MTOR: variants seen among roughly 807,000 people sequenced by gnomAD.
MTOR encodes the protein serine/threonine-protein kinase mTOR.
MTOR carries 70 observed loss-of-function variants against 319.8 expected under a neutral mutation model. The ratio of observed to expected loss-of-function variants is 0.22; its 90% confidence interval spans 0.18 to 0.27. MTOR has a LOEUF of 0.27. Ranked by LOEUF, MTOR falls within the 10% of genes least tolerant of loss-of-function variation. The probability of loss-of-function intolerance (pLI) is 1.00; values close to 1 mark genes in which losing one functional copy is unlikely to be tolerated. For synonymous variants in MTOR, 1,183 were observed against 1,211.4 expected (o/e 0.98, Z 0.49); for missense variants, 1,890 against 3,274.4 (o/e 0.58, Z 10.32).
intron 28 of MTOR, among the ~76,000 whole-genome samples, chr1:11,181,685 C>T (rs1191274097): frequency 6.6e-6 from 1 of 152,166 alleles, no homozygotes; most frequent in Non-Finnish European, 1.5e-5. Context: ...AAGACCTCAC[C>T]ACAGTAAAAC....
chr1:11,157,157 C>T lies in MTOR; in HGVS notation c.4464G>A (p.Gly1488=), dbSNP rs1644344752. The T allele has an allele frequency of 6.2e-7, 1 of 1,604,422 alleles. No homozygotes were observed. The highest frequency in any genetic ancestry group is 1.3e-5 in the African/African-American group (1 of 74,362). The change falls in exon 30 of 58, where the codon GGG becomes GGA. Residue 1488 remains glycine (G), a synonymous_variant. Coordinates refer to ENST00000361445, the MANE Select transcript of MTOR (RefSeq NM_004958.4). ...CATCATTCTAGGAAGCTCACCATTC[C>T]CCCAAGGCCTCGAGGCAGCGCATGC... ...LGRMRCLEAL[G]EWGQLHQQCC... is the part of the protein sequence containing the mutation.
At chr1:11,156,032 T>A (rs1410075414) in intron 30 of MTOR, among the ~76,000 whole-genome samples, 1 of 152,170 alleles carries the variant, frequency 6.6e-6, no homozygotes, top group Non-Finnish European at 1.5e-5. Flanking sequence ...GCTCTGTCAC[T>A]CAGGCTGGAG....
chr1:11,206,716 G>C (rs1448497867), intron 25 of MTOR, among the ~76,000 whole-genome samples: 1 of 152,090 alleles, frequency 6.6e-6, no homozygotes, highest in Non-Finnish European at 1.5e-5. Flanking sequence ...TCAATTCTCT[G>C]GGTTCTATAA....
rs1044293703 is a variant in MTOR, at chr1:11,133,019, A to G, written c.5364+61T>C. On this transcript the variant is annotated intron_variant, in intron 38 of 57. Transcript: ENST00000361445. This position sits in a 1 kb window ranked among gnomAD's most constrained non-coding sequence, Gnocchi z 4.0. ...CAGAAGCTCAGCTGTAACCACGAGC[A>G]CACAGGAGGACACGAGCCAGCCAGG... 1 of 1,405,322 alleles carries G rather than the reference A, an allele frequency of 7.1e-7. No individual in the cohort carries two copies. The highest frequency in any genetic ancestry group is 1.7e-5 in the Admixed American group (1 of 59,282). The allele number at this position is 1,405,322 out of a possible 1,614,324, so 87.1% of individuals were successfully genotyped here.
chr1:11,114,969 G>A, intron 51 of MTOR, 82 bp from the exon 52 acceptor site: 1 of 1,125,990 alleles, frequency 8.9e-7, no homozygotes, highest in Admixed American at 1.7e-5. Flanking sequence ...GCTTTCCTCT[G>A]CATCACCTGC....
At chr1:11,206,276 A>T (rs990127382) in intron 25 of MTOR, among the ~76,000 whole-genome samples, 61 of 152,198 alleles carry the variant, frequency 4.0e-4, no homozygotes, top group African/African-American at 1.3e-3. Context: ...ATAAACAGGG[A>T]AGTATTACTA....
intron 31 of MTOR, 45 bp from the exon 32 acceptor site, chr1:11,146,836 G>T: frequency 6.9e-7 from 1 of 1,454,782 alleles, no homozygotes; most frequent in Non-Finnish European, 9.7e-7. Context: ...GGGTTGGCTG[G>T]TTGGGCTAAA....
At chr1:11,134,489 A>G in intron 36 of MTOR, 23 bp from the exon 37 acceptor site, 1 of 1,610,468 alleles carries the variant, frequency 6.2e-7, no homozygotes, top group Non-Finnish European at 8.5e-7. Context: ...AAAGGCACAG[A>G]GAGCCACTTG....
intron 56 of MTOR, among the ~76,000 whole-genome samples, chr1:11,108,667 C>T (rs1472140899): frequency 1.4e-5 from 2 of 139,858 alleles, no homozygotes; most frequent in East Asian, 2.1e-4. Context: ...GGGCCAAGAT[C>T]GCACCACTGC....
Position 11,112,931 on chromosome 1 carries a change from T to G in MTOR, c.7301-14A>C. 6.2e-7 allele frequency: 1 copy of G among 1,612,554 alleles called. No individual in the cohort carries two copies. Among genetic ancestry groups the G allele is most frequent in the Middle Eastern group, 1.7e-4 (1 of 6,050 alleles). ...CTTTGGTATTTGCTAGGGAGAGAAATAAAGAGTATTGAAACATGCTTCAAA... is the reference window on the plus strand; with the variant it reads ...CTTTGGTATTTGCTAGGGAGAGAAAGAAAGAGTATTGAAACATGCTTCAAA... On this transcript the variant is annotated splice_polypyrimidine_tract_variant and intron_variant, in intron 53 of 57. Coordinates refer to ENST00000361445, the MANE Select transcript of MTOR (RefSeq NM_004958.4).
rs541604269 is a variant in MTOR at position 11,109,990 on chromosome 1, T to C, written c.7367-261A>G. 4.3e-4 allele frequency among the ~76,000 whole-genome samples: 50 copies of C among 114,992 alleles called. No homozygotes were observed. In the South Asian group the frequency reaches 0.013, roughly 29 times the overall value. The allele number at this position is 114,992 out of a possible 152,430, so 75.4% of individuals were successfully genotyped here. ...GTTCAAGACCAGCCTGAGACTCCATTTGCAAAAAAAAAAAAAAAAATTTTT... is the reference window on the plus strand; with the variant it reads ...GTTCAAGACCAGCCTGAGACTCCATCTGCAAAAAAAAAAAAAAAAATTTTT... On this transcript the variant is annotated intron_variant, in intron 54 of 57. Coordinates refer to ENST00000361445, the MANE Select transcript of MTOR (RefSeq NM_004958.4). The surrounding 1 kb of genome is among the most constrained non-coding windows in gnomAD (Gnocchi z 4.0).
intron 30 of MTOR, chr1:11,152,590 T>C (rs1028969957): frequency 1.3e-5 from 2 of 151,880 alleles, no homozygotes; most frequent in African/African-American, 4.8e-5. Context: ...GCTGCAGGCG[T>C]GGCTGCCTGC....
In MTOR at chr1:11,115,475, G is replaced by C. The variant is rs1424860629; in HGVS notation, c.7017-7C>G. The C allele has an allele frequency of 2.5e-6, 4 of 1,613,036 alleles. No individual in the cohort carries two copies. The African/African-American group carries it at 5.3e-5, about 22-fold the overall frequency. The stretch of plus-strand genomic sequence containing the variant: ...CATCAGGTTGGATGGGTGTCTTTGA[G>C]AAACAGAAGACAGATCAGGGAGGGA... On this transcript the variant is annotated splice_polypyrimidine_tract_variant and splice_region_variant and intron_variant, in intron 50 of 57. Coordinates refer to ENST00000361445, the MANE Select transcript of MTOR (RefSeq NM_004958.4). The surrounding 1 kb of genome is among the most constrained non-coding windows in gnomAD (Gnocchi z 4.5).
intron 23 of MTOR, among the ~76,000 whole-genome samples, chr1:11,211,264 A>G (rs1646302643): frequency 6.6e-6 from 1 of 152,246 alleles, no homozygotes; most frequent in Admixed American, 6.5e-5. Context: ...CAAAGTACTT[A>G]CAATGGCCCA....
In MTOR at chr1:11,231,444, C is replaced by A. The variant is rs750088686; in HGVS notation, c.2515-10G>T. The A allele has an allele frequency of 1.9e-6, 3 of 1,613,468 alleles. No homozygotes were observed. The highest frequency in any genetic ancestry group is 2.5e-6 in the Non-Finnish European group (3 of 1,179,760). On this transcript the variant is annotated splice_polypyrimidine_tract_variant and intron_variant, in intron 16 of 57. Coordinates refer to ENST00000361445, the MANE Select transcript of MTOR (RefSeq NM_004958.4). ...GGGTCCACAGAGCCACCTGGATAGGCACAAGAACACGATTCAATGAGCCAG... is the reference window on the plus strand; with the variant it reads ...GGGTCCACAGAGCCACCTGGATAGGAACAAGAACACGATTCAATGAGCCAG...
chr1:11,223,829 C>CA (rs1401136648), intron 19 of MTOR, among the ~76,000 whole-genome samples: 53 of 152,116 alleles, frequency 3.5e-4, no homozygotes, highest in Non-Finnish European at 1.0e-4. Flanking sequence ...CACTTGTGGT[C>CA]AGGAGTTTGA....
intron 6 of MTOR, among the ~76,000 whole-genome samples, chr1:11,249,377 C>CTT (rs371714190): frequency 5.3e-4 from 78 of 147,144 alleles, no homozygotes; most frequent in African/African-American, 1.8e-3. Flanking sequence ...ACCAGTGAGT[C>CTT]TTTTTTTTTT....
chr1:11,227,946 C>T (rs769790922), intron 19 of MTOR, among the ~76,000 whole-genome samples: 2 of 152,026 alleles, frequency 1.3e-5, no homozygotes, highest in African/African-American at 4.8e-5. Flanking sequence ...AACACCTACT[C>T]GGCCGCATGC....
chr1:11,233,370 G>C (rs769005411), intron 15 of MTOR, 28 bp downstream of exon 15: 4 of 1,592,960 alleles, frequency 2.5e-6, no homozygotes, highest in Non-Finnish European at 3.4e-6. Context: ...CCCTATCTCC[G>C]CTATGGAAAA....
Sources: allele counts gnomAD v4.1 joint callset (sites outside exome capture counted in the v4.1 genomes callset), GRCh38; gene constraint gnomAD v4.1.1; non-coding constraint Gnocchi (gnomAD v3.1); transcripts MANE v1.5; gene names NCBI Gene and HGNC (gene_info 2026-07-23, HGNC 2026-07-21).